Variants in RHOG observed in about 807,000 individuals in gnomAD.
RHOG encodes the protein rho-related GTP-binding protein RhoG.
Under a neutral mutation model 12.3 loss-of-function variants are expected in RHOG, and 1 was observed. That is an observed-to-expected ratio of 0.08 (90% CI 0.03 to 0.39). The LOEUF (loss-of-function observed/expected upper bound fraction) is 0.39, where lower values mean the gene tolerates loss of function less well. Ranked by LOEUF, RHOG falls within the 10% of genes least tolerant of loss-of-function variation. RHOG has a pLI of 0.99. For synonymous variants in RHOG, 129 were observed against 116.0 expected, an observed-to-expected ratio of 1.11 and a Z score of -0.72; for missense variants, 114 against 266.2, an observed-to-expected ratio of 0.43 and a Z score of 3.98.
chr11:3,828,656 C>G (rs1217876610), intron 1 of RHOG, among the ~76,000 whole-genome samples: 2 of 138,392 alleles, frequency 1.4e-5, no homozygotes, highest in Non-Finnish European at 3.0e-5. Flanking sequence ...CAGAGTCTCA[C>G]TCTGTCACCC....
chr11:3,833,328 C>T (rs2090140863), intron 1 of RHOG, among the ~76,000 whole-genome samples: 1 of 152,184 alleles, frequency 6.6e-6, no homozygotes, highest in Admixed American at 6.5e-5. Flanking sequence ...CCATGTTGCC[C>T]AGGCTGGTCT....
chr11:3,838,764 G>A (rs1252144638), intron 1 of RHOG, among the ~76,000 whole-genome samples: 1 of 152,164 alleles, frequency 6.6e-6, no homozygotes, highest in African/African-American at 2.4e-5. Context: ...ATGACTAGAG[G>A]AGGTAGACAG....
chr11:3,838,178 T>C (rs1173976263), intron 1 of RHOG, among the ~76,000 whole-genome samples: 2 of 152,246 alleles, frequency 1.3e-5, no homozygotes, highest in African/African-American at 4.8e-5. Flanking sequence ...TGACCATACC[T>C]GTTTAGCCAA....
chr11:3,839,437 T>C (rs2090175994), intron 1 of RHOG, among the ~76,000 whole-genome samples: 1 of 151,942 alleles, frequency 6.6e-6, no homozygotes, highest in South Asian at 2.1e-4. Flanking sequence ...AGGGCAGTTA[T>C]TTTGTCTGTA....
At chr11:3,833,961 C>T (rs1162279563) in intron 1 of RHOG, among the ~76,000 whole-genome samples, 2 of 152,200 alleles carry the variant, frequency 1.3e-5, no homozygotes, top group African/African-American at 4.8e-5. Context: ...GGCTACCTGT[C>T]GCCCAGGTTA....
At position 3,827,481 on chromosome 11, in the gene RHOG, A is replaced by T; in HGVS notation, c.*82T>A. ...GAAAGGGGTGCCAGAATTAGTCCTT[A>T]AGGCACAGCTGAGGCGGACAAGGCA... On this transcript the variant is annotated 3_prime_UTR_variant, in exon 2 of 2. Transcript: ENST00000351018. The surrounding 1 kb of genome is among the most constrained non-coding windows in gnomAD (Gnocchi z 7.3). 8.5e-7 allele frequency: 1 copy of T among 1,171,206 alleles called. No homozygotes were observed. The highest frequency in any genetic ancestry group is 1.2e-6 in the Non-Finnish European group (1 of 820,610). 72.6% of individuals were successfully genotyped at this position (1,171,206 alleles called of 1,614,324 possible).
intron 1 of RHOG, chr11:3,830,760 G>A (rs2135135399): frequency 6.6e-6 from 1 of 152,314 alleles, no homozygotes; most frequent in African/African-American, 2.4e-5. Flanking sequence ...GTATTTATGA[G>A]TGGGGTAAGT....
intron 1 of RHOG, among the ~76,000 whole-genome samples, chr11:3,839,216 G>A (rs1213451422): frequency 6.6e-6 from 1 of 152,146 alleles, no homozygotes; most frequent in Non-Finnish European, 1.5e-5. Context: ...GGGACCTTCA[G>A]GCTGTCTTCC....
At chr11:3,829,839 CG>C (rs1455250880) in intron 1 of RHOG, among the ~76,000 whole-genome samples, 1 of 151,782 alleles carries the variant, frequency 6.6e-6, no homozygotes, top group African/African-American at 2.4e-5. Context: ...CTCCACCTCC[CG>C]GGTTCAAGCG....
chr11:3,828,821 C>T (rs11029969), intron 1 of RHOG, among the ~76,000 whole-genome samples: 13,499 of 151,512 alleles, frequency 0.089, 844 homozygotes, highest in Middle Eastern at 0.14. Flanking sequence ...GGGGTTTCAC[C>T]GTGTTGGCCA....
rs544599971 is a variant in RHOG, at chr11:3,836,129, G to C, written c.-69+4765C>G. Among the ~76,000 whole-genome samples, 74 of 151,502 alleles carry C rather than the reference G, an allele frequency of 4.9e-4. 1 individual carries two copies. Among genetic ancestry groups the C allele is most frequent in the Admixed American group, 4.5e-3 (68 of 15,226 alleles). ...GCACTTTGGGAGGCCAAGGCAGGCA[G>C]ACCACTTGAGATCAGGAGTTCGAAA... On this transcript the variant is annotated intron_variant, in intron 1 of 1. Coordinates refer to ENST00000351018, the MANE Select transcript of RHOG (RefSeq NM_001665.4).
chr11:3,831,159 C>G (rs190893075), intron 1 of RHOG, among the ~76,000 whole-genome samples: 7 of 152,134 alleles, frequency 4.6e-5, no homozygotes, highest in African/African-American at 1.2e-4. Context: ...CCTTACCCCC[C>G]CAGCCTGGGC....
intron 1 of RHOG, among the ~76,000 whole-genome samples, chr11:3,835,126 CTT>C (rs1304489404): frequency 1.3e-5 from 2 of 152,150 alleles, no homozygotes; most frequent in Non-Finnish European, 1.5e-5. Context: ...AATCTTATCT[CTT>C]GTTATTAGAA....
At chr11:3,828,676 T>G (rs1025512144) in intron 1 of RHOG, among the ~76,000 whole-genome samples, 9 of 144,058 alleles carry the variant, frequency 6.2e-5, no homozygotes, top group Non-Finnish European at 1.2e-4. Context: ...CAGGCTGGAG[T>G]GCAGTGGCGT....
Position 3,827,562 on chromosome 11 carries a change from G to A in RHOG, c.*1C>T, listed in dbSNP as rs1170663499. On this transcript the variant is annotated 3_prime_UTR_variant, in exon 2 of 2. Coordinates refer to ENST00000351018, the MANE Select transcript of RHOG (RefSeq NM_001665.4). This position sits in a 1 kb window ranked among gnomAD's most constrained non-coding sequence, Gnocchi z 7.3. ...GGCAGCCTCCAAGCCAAGTGCCAGG[G>A]TCACAAGAGGATGCAGGACCGCCCA... is the stretch of plus-strand genomic sequence containing the variant. 1 of 1,600,796 alleles carries A rather than the reference G, an allele frequency of 6.2e-7. No homozygotes were observed. The highest frequency in any genetic ancestry group is 1.7e-5 in the Admixed American group (1 of 59,946).
chr11:3,838,349 CCT>C (rs1274712298), intron 1 of RHOG, among the ~76,000 whole-genome samples: 1 of 152,220 alleles, frequency 6.6e-6, no homozygotes, highest in Non-Finnish European at 1.5e-5. Context: ...TGGGAGAATC[CCT>C]GTCTCACCCA....
intron 1 of RHOG, among the ~76,000 whole-genome samples, chr11:3,832,089 G>A (rs747366734): frequency 3.3e-5 from 5 of 152,068 alleles, no homozygotes; most frequent in Non-Finnish European, 7.4e-5. Flanking sequence ...AAGGCAGTGT[G>A]GTATAGGGCC....
Position 3,827,074 on chromosome 11 carries a change from C to A in RHOG, c.*489G>T. The A allele has an allele frequency of 5.9e-6, 1 of 169,052 alleles. No homozygotes were observed. Among genetic ancestry groups the A allele is most frequent in the Non-Finnish European group, 1.3e-5 (1 of 77,376 alleles). The allele number at this position is 169,052 out of a possible 1,614,324, so 10.5% of individuals were successfully genotyped here. A position where few individuals can be genotyped will look rare whatever the true frequency, so the allele number is the denominator to read the frequency against. ...AGTCAGCAAATGCGTAAGGCCTAGGCACAGAGGAGCAGGTTAGGGCACATT... is the reference window on the plus strand; with the variant it reads ...AGTCAGCAAATGCGTAAGGCCTAGGAACAGAGGAGCAGGTTAGGGCACATT... On this transcript the variant is annotated 3_prime_UTR_variant, in exon 2 of 2. Coordinates refer to ENST00000351018, the MANE Select transcript of RHOG (RefSeq NM_001665.4). This position sits in a 1 kb window ranked among gnomAD's most constrained non-coding sequence, Gnocchi z 7.3.
intron 1 of RHOG, among the ~76,000 whole-genome samples, chr11:3,832,331 C>A (rs2090134683): frequency 6.6e-6 from 1 of 152,170 alleles, no homozygotes; most frequent in Non-Finnish European, 1.5e-5. Flanking sequence ...AGAACACAAA[C>A]CCAGTTTTGT....
Sources: gnomAD v4.1 joint callset for allele counts (sites outside exome capture counted in the v4.1 genomes callset) on GRCh38, gnomAD v4.1.1 for gene constraint, Gnocchi (gnomAD v3.1) non-coding constraint, MANE v1.5 for transcripts, NCBI Gene and HGNC (gene_info 2026-07-23, HGNC 2026-07-21) for gene names.